KIRREL3: variants seen among roughly 807,000 people sequenced by gnomAD.
KIRREL3 encodes kirre like nephrin family adhesion molecule 3, also known as kin of IRRE-like protein 3.
Under a neutral mutation model 89.7 loss-of-function variants are expected in KIRREL3, and 36 were observed. The observed-to-expected ratio is 0.40, with a 90% CI of 0.31 to 0.53. The LOEUF is 0.53. Ranked by LOEUF, KIRREL3 falls within the 20% of genes least tolerant of loss-of-function variation. The pLI is 0.49. For synonymous variants in KIRREL3, 445 were observed against 441.4 expected (o/e 1.01, Z -0.10); for missense variants, 864 against 1,056.6 (o/e 0.82, Z 2.53).
At position 126,541,242 on chromosome 11, in the gene KIRREL3, C is replaced by T. The variant is rs1186765204; in HGVS notation, c.134-14555G>A. Among the ~76,000 whole-genome samples the T allele has an allele frequency of 6.6e-6, 1 of 152,166 alleles. No homozygotes were observed. Among genetic ancestry groups the T allele is most frequent in the Non-Finnish European group, 1.5e-5 (1 of 68,024 alleles). ...GTCCTTGTCCTGGGCCCAGAAGGTA[C>T]CAGTTGATGCTGCCTCTGCCACCTC... On this transcript the variant is annotated intron_variant, in intron 2 of 16. Transcript: ENST00000525144. The surrounding 1 kb of genome is among the most constrained non-coding windows in gnomAD (Gnocchi z 4.8).
At position 126,490,317 on chromosome 11, in the gene KIRREL3, C is replaced by G. The variant is rs1957477751; in HGVS notation, c.434-16851G>C. Among the ~76,000 whole-genome samples the G allele has an allele frequency of 6.6e-6, 1 of 152,132 alleles. No individual in the cohort carries two copies. Among genetic ancestry groups the G allele is most frequent in the African/African-American group, 2.4e-5 (1 of 41,428 alleles). ...AGCATTAATTTGCATTCACTGGACA[C>G]AGCCGCTAGGGAGAGGTGAGCAGAG... On this transcript the variant is annotated intron_variant, in intron 4 of 16. Coordinates refer to ENST00000525144, the MANE Select transcript of KIRREL3 (RefSeq NM_032531.4). This position sits in a 1 kb window ranked among gnomAD's most constrained non-coding sequence, Gnocchi z 4.2.
Position 126,424,826 on chromosome 11 carries a change from C to A in KIRREL3, c.2091G>T (p.Leu697=). Residue 697 remains leucine, a synonymous_variant, in exon 17 of 17, where the codon CTG becomes CTT. Coordinates refer to ENST00000525144, the MANE Select transcript of KIRREL3 (RefSeq NM_032531.4). ...GCTCGATGGACGAGCTGCCCATGCCCAGCACAAACCGCTGCCCGTAGTCGT... is the reference window on the plus strand; with the variant it reads ...GCTCGATGGACGAGCTGCCCATGCCAAGCACAAACCGCTGCCCGTAGTCGT... The part of the protein sequence containing the change: ...RLYDYGQRFV[L]GMGSSSIELC... 6.2e-7 allele frequency: 1 copy of A among 1,614,034 alleles called. No individual in the cohort carries two copies. The highest frequency in any genetic ancestry group is 8.5e-7 in the Non-Finnish European group (1 of 1,179,908).
chr11:126,450,377 GCA>G (rs1174341540), intron 7 of KIRREL3, among the ~76,000 whole-genome samples: 58 of 151,578 alleles, frequency 3.8e-4, no homozygotes, highest in African/African-American at 1.4e-3. Flanking sequence ...GTGTGAGTGT[GCA>G]TGTGTGAGTG....
At chr11:126,554,657 G>A (rs977808074) in intron 2 of KIRREL3, among the ~76,000 whole-genome samples, 3 of 152,142 alleles carry the variant, frequency 2.0e-5, no homozygotes, top group African/African-American at 7.2e-5. Context: ...GGGATCTAAT[G>A]GAGACCAAAC....
At chr11:126,581,354 C>T (rs1941542264) in intron 1 of KIRREL3, among the ~76,000 whole-genome samples, 2 of 152,062 alleles carry the variant, frequency 1.3e-5, no homozygotes, top group African/African-American at 4.8e-5. Context: ...AGGCACCCGC[C>T]ATCATGCCTG....
chr11:126,933,267 T>C (rs1406124970), intron 1 of KIRREL3, among the ~76,000 whole-genome samples: 1 of 120,446 alleles, frequency 8.3e-6, no homozygotes, highest in African/African-American at 3.0e-5. Context: ...TGGGCATGTC[T>C]TTCTCATGGC....
chr11:126,942,019 C>T (rs1032450210), intron 1 of KIRREL3, among the ~76,000 whole-genome samples: 3 of 152,168 alleles, frequency 2.0e-5, no homozygotes, highest in Non-Finnish European at 4.4e-5. Flanking sequence ...CCTTTACCAG[C>T]TCTGTCATTT....
At position 126,780,013 on chromosome 11, in the gene KIRREL3, T is replaced by C. The variant is rs116414566; in HGVS notation, c.56-217101A>G. On this transcript the variant is annotated intron_variant, in intron 1 of 16. Transcript: ENST00000525144. This position sits in a 1 kb window ranked among gnomAD's most constrained non-coding sequence, Gnocchi z 5.3. ...GAAAGCTCGGCTGAGTCTGGCTCTG[T>C]GGCTTCAACAGGGAGCCCCACGCTG... Among the ~76,000 whole-genome samples the C allele has an allele frequency of 0.018, 2,717 of 152,124 alleles. 86 individuals carry two copies. The highest frequency in any genetic ancestry group is 0.063 in the African/African-American group (2,595 of 41,480).
At chr11:126,803,162 C>T (rs1447781217) in intron 1 of KIRREL3, among the ~76,000 whole-genome samples, 1 of 152,176 alleles carries the variant, frequency 6.6e-6, no homozygotes, top group Non-Finnish European at 1.5e-5. Flanking sequence ...TTAAACGCAA[C>T]ATATGCTCCA....
intron 7 of KIRREL3, among the ~76,000 whole-genome samples, chr11:126,450,903 G>C (rs377760535): frequency 6.7e-6 from 1 of 149,354 alleles, no homozygotes; most frequent in South Asian, 2.1e-4. Context: ...GTGTGTGCAT[G>C]TGCGTGTGTG....
intron 1 of KIRREL3, among the ~76,000 whole-genome samples, chr11:126,885,296 C>T (rs1320871342): frequency 1.3e-5 from 2 of 152,234 alleles, no homozygotes; most frequent in Middle Eastern, 3.4e-3. Flanking sequence ...ATAAAATATC[C>T]CAGTATGGTG....
At chr11:126,449,607 A>G (rs763951189) in intron 7 of KIRREL3, among the ~76,000 whole-genome samples, 46 of 152,232 alleles carry the variant, frequency 3.0e-4, no homozygotes, top group Non-Finnish European at 5.6e-4. Context: ...GCATGCCCAT[A>G]CATGCATGCT....
chr11:126,435,085 G>A (rs1486090754), intron 13 of KIRREL3, among the ~76,000 whole-genome samples, 183 bp downstream of exon 13: 1 of 152,014 alleles, frequency 6.6e-6, no homozygotes, highest in Non-Finnish European at 1.5e-5. Flanking sequence ...GGGTCCCTAG[G>A]CCCAAGCTGG....
At chr11:126,838,458 A>T (rs918601616) in intron 1 of KIRREL3, among the ~76,000 whole-genome samples, 1 of 152,214 alleles carries the variant, frequency 6.6e-6, no homozygotes, top group South Asian at 2.1e-4. Context: ...TTGAAATTAA[A>T]TTTTGCCAAC....
Position 126,432,219 on chromosome 11 carries a change from C to T in KIRREL3, c.1589-693G>A, listed in dbSNP as rs1955160799. On this transcript the variant is annotated intron_variant, in intron 13 of 16. Transcript: ENST00000525144. The surrounding 1 kb of genome is among the most constrained non-coding windows in gnomAD (Gnocchi z 6.2). ...CCCTCAAGGCTGCCCCTCTGAGCAT[C>T]CTTGCACCCCTCCTGGCAAGAGAGG... Among the ~76,000 whole-genome samples the T allele has an allele frequency of 6.6e-6, 1 of 152,012 alleles. No homozygotes were observed. The highest frequency in any genetic ancestry group is 2.1e-4 in the South Asian group (1 of 4,812).
chr11:126,535,837 T>G lies in KIRREL3; in HGVS notation c.134-9150A>C, dbSNP rs1937815548. Among the ~76,000 whole-genome samples the G allele has an allele frequency of 6.6e-6, 1 of 152,008 alleles. No individual in the cohort carries two copies. Among genetic ancestry groups the G allele is most frequent in the Non-Finnish European group, 1.5e-5 (1 of 68,010 alleles). The stretch of plus-strand genomic sequence containing the variant: ...CCGTCTCTACTAAAAATACAAAAAT[T>G]AGCGGGACATGGTGGTGCGTGCCTG... On this transcript the variant is annotated intron_variant, in intron 2 of 16. Coordinates refer to ENST00000525144, the MANE Select transcript of KIRREL3 (RefSeq NM_032531.4). The surrounding 1 kb of genome is among the most constrained non-coding windows in gnomAD (Gnocchi z 4.5).
Position 127,000,461 on chromosome 11 carries a change from T to C in KIRREL3, c.49A>G (p.Ser17Gly). 1 of 1,606,268 alleles carries C rather than the reference T, an allele frequency of 6.2e-7. No homozygotes were observed. Among genetic ancestry groups the C allele is most frequent in the Non-Finnish European group, 8.5e-7 (1 of 1,176,510 alleles). ...DLLFVCFFLF[S>G]QELGLQKRGC... is the part of the protein sequence containing the mutation. ...AGCAGCGCAGGGGTCCTACCTTGACTGAAGAGGAAGAAGCAGACGAAGAGC... is the reference window on the plus strand; with the variant it reads ...AGCAGCGCAGGGGTCCTACCTTGACCGAAGAGGAAGAAGCAGACGAAGAGC... Residue 17 changes from serine to glycine, a missense_variant, in exon 1 of 17, where the codon AGT becomes GGT. Ser to Gly is a moderately conservative substitution (Grantham distance 56). Transcript: ENST00000525144. This position sits in a 1 kb window ranked among gnomAD's most constrained non-coding sequence, Gnocchi z 7.1.
In KIRREL3 at chr11:126,721,612, A is replaced by C. The variant is rs552329938; in HGVS notation, c.56-158700T>G. On this transcript the variant is annotated intron_variant, in intron 1 of 16. Coordinates refer to ENST00000525144, the MANE Select transcript of KIRREL3 (RefSeq NM_032531.4). ...TCTAACACAGTGCATGGCACAGAGT[A>C]GGTGCCTCTCTGGCAATAGCAAAGA... is the stretch of plus-strand genomic sequence containing the variant. Among the ~76,000 whole-genome samples the C allele has an allele frequency of 1.2e-3, 178 of 152,292 alleles. 3 individuals are homozygous for C. The highest frequency in any genetic ancestry group is 3.4e-3 in the Middle Eastern group (1 of 294).
chr11:126,612,257 T>G lies in KIRREL3; in HGVS notation c.56-49345A>C, dbSNP rs868230087. On this transcript the variant is annotated intron_variant, in intron 1 of 16. Transcript: ENST00000525144. This position sits in a 1 kb window ranked among gnomAD's most constrained non-coding sequence, Gnocchi z 4.5. ...CATATAATAAATGCTCCCTCAGAAT[T>G]TGAGTATTATATGGACACCCTTGGC... 7.9e-5 allele frequency among the ~76,000 whole-genome samples: 12 copies of G among 152,148 alleles called. No individual in the cohort carries two copies. Among genetic ancestry groups the G allele is most frequent in the Admixed American group, 6.5e-5 (1 of 15,278 alleles).
Sources: allele counts gnomAD v4.1 joint callset (sites outside exome capture counted in the v4.1 genomes callset), GRCh38; gene constraint gnomAD v4.1.1; non-coding constraint Gnocchi (gnomAD v3.1); transcripts MANE v1.5; gene names NCBI Gene and HGNC (gene_info 2026-07-23, HGNC 2026-07-21).